The following CPED1 variants were observed in gnomAD, a reference collection of about 807,000 sequenced individuals.
CPED1 encodes the protein cadherin like and PC-esterase domain containing 1.
CPED1 carries 114 observed loss-of-function variants against 128.2 expected under a neutral mutation model. That is an observed-to-expected ratio of 0.89 (90% CI 0.76 to 1.04). CPED1 has a LOEUF of 1.04. Among genes scored for constraint, CPED1 ranks in the 50% least tolerant of loss-of-function variants. The pLI is 0.00. For missense variants in CPED1, 1,211 were observed against 1,207.1 expected (o/e 1.00, Z -0.05); for synonymous variants, 462 against 426.7 (o/e 1.08, Z -1.02).
At chr7:121,197,479 G>A (rs1463186081) in intron 16 of CPED1, among the ~76,000 whole-genome samples, 1 of 152,118 alleles carries the variant, frequency 6.6e-6, no homozygotes, top group Non-Finnish European at 1.5e-5. Flanking sequence ...GCCTTTAGAA[G>A]TAAGTCCTAT....
intron 3 of CPED1, among the ~76,000 whole-genome samples, chr7:121,019,282 G>A (rs972933453): frequency 6.6e-6 from 1 of 151,974 alleles, no homozygotes; most frequent in Non-Finnish European, 1.5e-5. Flanking sequence ...AGTTCTCTGA[G>A]CCCTAGTTCT....
intron 22 of CPED1, 27 bp downstream of exon 22, chr7:121,271,457 A>ATGATTCAATAAGT: frequency 6.3e-7 from 1 of 1,599,132 alleles, no homozygotes; most frequent in Non-Finnish European, 8.5e-7. Flanking sequence ...TCTGAGTTTT[A>ATGATTCAATAAGT]TAGCTTTTGA....
chr7:121,015,574 T>G, intron 2 of CPED1, 91 bp from the exon 3 acceptor site: 12 of 1,186,692 alleles, frequency 1.0e-5, no homozygotes, highest in Non-Finnish European at 1.4e-5. Flanking sequence ...TTAGAATAAC[T>G]TCCCAAATAG....
At chr7:121,042,952 G>A (rs559477905) in intron 3 of CPED1, among the ~76,000 whole-genome samples, 4 of 152,276 alleles carry the variant, frequency 2.6e-5, no homozygotes, top group Admixed American at 2.6e-4. Context: ...CACCCAAATT[G>A]ACCAGGGGCT....
intron 5 of CPED1, among the ~76,000 whole-genome samples, chr7:121,064,782 A>G (rs990134426): frequency 1.1e-4 from 17 of 152,142 alleles, no homozygotes; most frequent in Admixed American, 6.5e-4. Context: ...CATTTTAACT[A>G]TGTTAGGAAT....
At chr7:121,039,180 T>G (rs1792979964) in intron 3 of CPED1, among the ~76,000 whole-genome samples, 1 of 152,094 alleles carries the variant, frequency 6.6e-6, no homozygotes, top group Admixed American at 6.6e-5. Flanking sequence ...TATTTATTTA[T>G]TCAGTCAGTT....
intron 7 of CPED1, among the ~76,000 whole-genome samples, chr7:121,106,917 T>A (rs980703881): frequency 6.6e-6 from 1 of 152,112 alleles, no homozygotes; most frequent in Non-Finnish European, 1.5e-5. Context: ...TAAACAAGTG[T>A]TTAGAGTAAA....
At chr7:120,992,972 G>A (rs1794792337) in intron 2 of CPED1, among the ~76,000 whole-genome samples, 1 of 152,122 alleles carries the variant, frequency 6.6e-6, no homozygotes, top group Admixed American at 6.5e-5. Flanking sequence ...ACTTTCCATA[G>A]TGAGGAAGTA....
At chr7:121,146,904 G>A (rs1796035148) in intron 16 of CPED1, among the ~76,000 whole-genome samples, 4 of 152,038 alleles carry the variant, frequency 2.6e-5, no homozygotes, top group Admixed American at 2.6e-4. Context: ...CTCAATCTCG[G>A]CACTGTTGAC....
intron 16 of CPED1, among the ~76,000 whole-genome samples, chr7:121,165,224 A>G (rs546667459): frequency 6.6e-6 from 1 of 152,276 alleles, no homozygotes; most frequent in South Asian, 2.1e-4. Flanking sequence ...TATGTTGGAT[A>G]TAAACTTCAC....
intron 4 of CPED1, among the ~76,000 whole-genome samples, chr7:121,061,776 G>A (rs1793679041): frequency 6.6e-6 from 1 of 152,128 alleles, no homozygotes; most frequent in Admixed American, 6.5e-5. Context: ...GTAAAAATAC[G>A]AAGCAGTAGG....
intron 2 of CPED1, among the ~76,000 whole-genome samples, chr7:121,014,428 G>C (rs1357192771): frequency 1.3e-5 from 2 of 151,928 alleles, no homozygotes; most frequent in Admixed American, 1.3e-4. Flanking sequence ...GCGGGTGCCT[G>C]TAGTCCCAGC....
intron 2 of CPED1, among the ~76,000 whole-genome samples, chr7:120,995,475 A>G (rs187591254): frequency 2.0e-5 from 3 of 152,238 alleles, no homozygotes; most frequent in Admixed American, 2.0e-4. Flanking sequence ...GCCTTGTTTT[A>G]TACTTTTCCT....
intron 16 of CPED1, among the ~76,000 whole-genome samples, chr7:121,202,592 A>G (rs1379996953): frequency 6.6e-6 from 1 of 152,122 alleles, no homozygotes; most frequent in East Asian, 1.9e-4. Context: ...TTTTAAAAAC[A>G]CATTCTGACT....
At chr7:121,246,950 A>C (rs1475522785) in intron 18 of CPED1, among the ~76,000 whole-genome samples, 2 of 152,218 alleles carry the variant, frequency 1.3e-5, no homozygotes, top group Admixed American at 6.5e-5. Context: ...AAATTTGCCA[A>C]CACACTGCCA....
At chr7:121,205,538 A>G (rs1342461690) in intron 16 of CPED1, among the ~76,000 whole-genome samples, 2 of 151,894 alleles carry the variant, frequency 1.3e-5, no homozygotes, top group African/African-American at 2.4e-5. Flanking sequence ...CTTATTTTCT[A>G]TTCCTGAAAA....
intron 16 of CPED1, among the ~76,000 whole-genome samples, chr7:121,225,038 C>A (rs1458238755): frequency 6.6e-6 from 1 of 151,536 alleles, no homozygotes; most frequent in Non-Finnish European, 1.5e-5. Flanking sequence ...GGTTATTTTG[C>A]CTGTTAATTG....
chr7:121,015,774 C>G lies in CPED1; in HGVS notation c.359C>G (p.Thr120Ser). 1 of 1,611,522 alleles carries G rather than the reference C, an allele frequency of 6.2e-7. No homozygotes were observed. ...CTTCAGCTACACCAGCACATTCTGA[C>G]TCAACATGGCTATACGGTTGTCATC... Reference protein sequence around the residue: ...TELQLHQHILTQHGYTVVIAE... With the variant: ...TELQLHQHILSQHGYTVVIAE... The change falls in exon 3 of 23, where the codon ACT becomes AGT. Residue 120 changes from threonine to serine, a missense_variant. Coordinates refer to ENST00000310396, the MANE Select transcript of CPED1 (RefSeq NM_024913.5).
chr7:120,991,682 G>C (rs1426218788), intron 2 of CPED1, among the ~76,000 whole-genome samples: 2 of 152,126 alleles, frequency 1.3e-5, no homozygotes, highest in African/African-American at 4.8e-5. Flanking sequence ...TTTCAACTTT[G>C]AATCTCCTAC....
Sources: gnomAD v4.1 joint callset for allele counts (sites outside exome capture counted in the v4.1 genomes callset) on GRCh38, gnomAD v4.1.1 for gene constraint, MANE v1.5 for transcripts, NCBI Gene and HGNC (gene_info 2026-07-23, HGNC 2026-07-21) for gene names.